Variants in PIBF1 observed in about 807,000 individuals in gnomAD.
PIBF1 encodes the protein progesterone-induced-blocking factor 1.
Under a neutral mutation model 112.5 loss-of-function variants are expected in PIBF1, and 90 were observed. The observed-to-expected ratio is 0.80, with a 90% CI of 0.67 to 0.95. The LOEUF (loss-of-function observed/expected upper bound fraction) is 0.95, where lower values mean the gene tolerates loss of function less well. PIBF1 is among the 40% of genes least tolerant of loss of function. The pLI is 0.00. For missense variants in PIBF1, 915 were observed against 852.3 expected (o/e 1.07, Z -0.92); for synonymous variants, 301 against 288.6 (o/e 1.04, Z -0.44).
intron 13 of PIBF1, among the ~76,000 whole-genome samples, chr13:72,919,374 G>A (rs1365428098): frequency 6.6e-6 from 1 of 152,092 alleles, no homozygotes; most frequent in African/African-American, 2.4e-5. Context: ...ATTTGTAGCT[G>A]GAATGTTTAA....
At chr13:72,990,205 C>T (rs56104978) in intron 16 of PIBF1, among the ~76,000 whole-genome samples, 14 of 116,130 alleles carry the variant, frequency 1.2e-4, no homozygotes, top group Admixed American at 2.2e-4. Context: ...CAAAGCAAGA[C>T]TCTGTCTCAA....
intron 14 of PIBF1, among the ~76,000 whole-genome samples, chr13:72,935,344 C>T (rs1484093452): frequency 1.3e-5 from 2 of 152,014 alleles, no homozygotes; most frequent in African/African-American, 4.8e-5. Context: ...TTAATGTCTC[C>T]TTTCACTCTG....
chr13:72,837,461 AT>A (rs1055492939), intron 9 of PIBF1, among the ~76,000 whole-genome samples: 1 of 152,054 alleles, frequency 6.6e-6, no homozygotes. Context: ...TTTTATTTTA[AT>A]TACTATGTTA....
At chr13:72,836,943 CATTT>C (rs1249000508) in intron 9 of PIBF1, among the ~76,000 whole-genome samples, 6 of 152,002 alleles carry the variant, frequency 3.9e-5, no homozygotes, top group African/African-American at 9.7e-5. Context: ...AGAAATCATT[CATTT>C]GTGTATTCAA....
chr13:72,953,908 A>G (rs2042371343), intron 14 of PIBF1, among the ~76,000 whole-genome samples: 1 of 152,110 alleles, frequency 6.6e-6, no homozygotes, highest in African/African-American at 2.4e-5. Context: ...TGGAGCCTCC[A>G]AATATCCCTG....
chr13:73,013,313 A>G (rs2044271123), intron 17 of PIBF1, among the ~76,000 whole-genome samples: 2 of 145,956 alleles, frequency 1.4e-5, no homozygotes, highest in Admixed American at 6.8e-5. Flanking sequence ...AAAAAAAAAA[A>G]AAAAAAAAAA....
chr13:72,991,597 C>T (rs1483685722), intron 16 of PIBF1, among the ~76,000 whole-genome samples: 2 of 151,970 alleles, frequency 1.3e-5, no homozygotes, highest in Admixed American at 6.6e-5. Flanking sequence ...AGTATTGAAA[C>T]GTTTCAGCTG....
At chr13:72,795,873 T>C (rs1334216323) in intron 4 of PIBF1, among the ~76,000 whole-genome samples, 4 of 152,026 alleles carry the variant, frequency 2.6e-5, no homozygotes, top group African/African-American at 9.7e-5. Context: ...TTGGGGATAG[T>C]GGGAGAGAGG....
chr13:72,957,427 A>G (rs1449395046), intron 14 of PIBF1, among the ~76,000 whole-genome samples: 1 of 152,182 alleles, frequency 6.6e-6, no homozygotes, highest in African/African-American at 2.4e-5. Flanking sequence ...AAAACCAAAC[A>G]TCATACGCTC....
At chr13:72,978,818 A>G (rs2043086693) in intron 16 of PIBF1, among the ~76,000 whole-genome samples, 2 of 152,234 alleles carry the variant, frequency 1.3e-5, no homozygotes, top group South Asian at 4.1e-4. Flanking sequence ...AAAGGAAAAG[A>G]TAAACTGATA....
intron 5 of PIBF1, among the ~76,000 whole-genome samples, chr13:72,806,070 T>C (rs1308906387): frequency 6.6e-6 from 1 of 152,204 alleles, no homozygotes; most frequent in African/African-American, 2.4e-5. Flanking sequence ...TTACAGTGAA[T>C]AACATAACAT....
At chr13:72,900,454 T>TAAG (rs1190094718) in intron 11 of PIBF1, among the ~76,000 whole-genome samples, 1 of 152,074 alleles carries the variant, frequency 6.6e-6, no homozygotes, top group Non-Finnish European at 1.5e-5. Context: ...CCCAAATACT[T>TAAG]ACAGCCAACT....
At chr13:72,852,246 T>C (rs1269703184) in intron 9 of PIBF1, among the ~76,000 whole-genome samples, 2 of 152,206 alleles carry the variant, frequency 1.3e-5, no homozygotes, top group Non-Finnish European at 2.9e-5. Flanking sequence ...CTCTGACACC[T>C]GTTTGGGGCT....
chr13:72,809,259 A>G (rs1217511325), intron 5 of PIBF1, among the ~76,000 whole-genome samples: 3 of 149,892 alleles, frequency 2.0e-5, no homozygotes, highest in African/African-American at 7.4e-5. Flanking sequence ...TCATTATTTC[A>G]TATAAAATGC....
chr13:72,859,863 T>C (rs2038613007), intron 10 of PIBF1, among the ~76,000 whole-genome samples: 1 of 152,192 alleles, frequency 6.6e-6, no homozygotes, highest in East Asian at 1.9e-4. Flanking sequence ...CAGAGGAATA[T>C]GGCCATAACT....
At chr13:72,922,081 G>A (rs1371865737) in intron 13 of PIBF1, among the ~76,000 whole-genome samples, 2 of 152,158 alleles carry the variant, frequency 1.3e-5, no homozygotes, top group African/African-American at 2.4e-5. Context: ...CTGGGCTGAA[G>A]TGATCCTCCT....
chr13:72,911,125 C>T lies in PIBF1; in HGVS notation c.1639+2444C>T, dbSNP rs140223897. Reference sequence around the variant, plus strand: ...CTTAGAGGTTAAAGCCTGTAGGGTGCGATGATCATGCCTGTGAATACCCAC... The same window carrying T: ...CTTAGAGGTTAAAGCCTGTAGGGTGTGATGATCATGCCTGTGAATACCCAC... On this transcript the variant is annotated intron_variant, in intron 12 of 17. Transcript: ENST00000326291. Among the ~76,000 whole-genome samples the T allele has an allele frequency of 7.8e-3, 1,190 of 152,024 alleles. 13 individuals are homozygous for T. Among genetic ancestry groups the T allele is most frequent in the African/African-American group, 0.027 (1,115 of 41,454 alleles).
intron 16 of PIBF1, among the ~76,000 whole-genome samples, chr13:72,980,435 G>A (rs1005464386): frequency 8.5e-5 from 13 of 152,176 alleles, no homozygotes; most frequent in East Asian, 1.9e-4. Flanking sequence ...CCAGTTGTAC[G>A]CAGTGACGTG....
At chr13:72,928,420 G>C (rs1166548006) in intron 13 of PIBF1, among the ~76,000 whole-genome samples, 1 of 151,906 alleles carries the variant, frequency 6.6e-6, no homozygotes, top group Non-Finnish European at 1.5e-5. Flanking sequence ...CTGGTGTTAA[G>C]GCTTAAGCAC....
Sources: gnomAD v4.1 joint callset for allele counts (sites outside exome capture counted in the v4.1 genomes callset) on GRCh38, gnomAD v4.1.1 for gene constraint, MANE v1.5 for transcripts, NCBI Gene and HGNC (gene_info 2026-07-23, HGNC 2026-07-21) for gene names.